The following ENTPD5 variants were observed in gnomAD, a reference collection of about 807,000 sequenced individuals.
ENTPD5 encodes nucleoside diphosphate phosphatase ENTPD5.
A neutral mutation model predicts 60.2 loss-of-function variants in ENTPD5; 49 were observed. That is an observed-to-expected ratio of 0.81 (90% CI 0.65 to 1.03). ENTPD5 has a LOEUF of 1.03. Among genes scored for constraint, ENTPD5 ranks in the 50% least tolerant of loss-of-function variants. The probability of loss-of-function intolerance (pLI) is 0.00; values close to 1 mark genes in which losing one functional copy is unlikely to be tolerated. For synonymous variants in ENTPD5, 187 were observed against 185.4 expected (o/e 1.01, Z -0.07); for missense variants, 480 against 507.6 (o/e 0.95, Z 0.52).
chr14:73,962,980 T>C (rs2056823091), downstream of ENTPD5: 1 of 1,609,882 alleles, frequency 6.2e-7, no homozygotes, highest in African/African-American at 1.3e-5. Flanking sequence ...GAACAGATTA[T>C]GGCCTTTGCA....
At chr14:74,019,144 C>G (rs2059172665) in intron 1 of ENTPD5, 106 bp downstream of exon 1, 1 of 152,820 alleles carries the variant, frequency 6.5e-6, no homozygotes. Flanking sequence ...CACACCCAGG[C>G]CGCAGGACGA....
At chr14:74,004,458 C>T (rs139847475) in intron 3 of ENTPD5, among the ~76,000 whole-genome samples, 257 of 152,268 alleles carry the variant, frequency 1.7e-3, no homozygotes, top group African/African-American at 5.9e-3. Context: ...CCATTGCGCC[C>T]GGCCTATCTC....
intron 6 of ENTPD5, among the ~76,000 whole-genome samples, chr14:73,982,378 AATAG>A (rs2057727498): frequency 6.6e-6 from 1 of 152,116 alleles, no homozygotes; most frequent in African/African-American, 2.4e-5. Flanking sequence ...CCCAGCCTAA[AATAG>A]ATATATTTTA....
chr14:73,968,377 C>T (rs1041906681), intron 15 of ENTPD5, among the ~76,000 whole-genome samples: 3 of 151,670 alleles, frequency 2.0e-5, no homozygotes, highest in Non-Finnish European at 2.9e-5. Context: ...CCAATCTCTG[C>T]TTCAACCAGA....
intron 15 of ENTPD5, among the ~76,000 whole-genome samples, 192 bp downstream of exon 15, chr14:73,969,818 C>G (rs2057143390): frequency 6.6e-6 from 1 of 152,196 alleles, no homozygotes; most frequent in African/African-American, 2.4e-5. Flanking sequence ...CCTGGTAATA[C>G]ACTCGGAGGC....
At position 73,998,431 on chromosome 14, in the gene ENTPD5, T is replaced by TCTGCGTTTGTCCCCTTCATTC. The variant is rs1296096465; in HGVS notation, c.-70-10280_-70-10260dup. Among the ~76,000 whole-genome samples, 11 of 152,154 alleles carry TCTGCGTTTGTCCCCTTCATTC rather than the reference T, an allele frequency of 7.2e-5. 1 individual carries two copies. The highest frequency in any genetic ancestry group is 7.2e-4 in the Admixed American group (11 of 15,270). On this transcript the variant is annotated intron_variant, in intron 3 of 15. Coordinates refer to ENST00000334696, the MANE Select transcript of ENTPD5 (RefSeq NM_001249.5). ...AGATCCTTTTGTCTTTGTCTTCATTTCTGCGTTTGTCCCCTTCATTCAACC... is the reference window on the plus strand; with the variant it reads ...AGATCCTTTTGTCTTTGTCTTCATTTCTGCGTTTGTCCCCTTCATTCCTGCGTTTGTCCCCTTCATTCAACC...
At chr14:74,018,156 G>C (rs2059111323) in intron 1 of ENTPD5, among the ~76,000 whole-genome samples, 1 of 151,504 alleles carries the variant, frequency 6.6e-6, no homozygotes, top group Non-Finnish European at 1.5e-5. Context: ...ACTCCAGCCT[G>C]GGTGACAGAA....
rs763145442 is a variant in ENTPD5, at chr14:73,977,305, C to G, written c.511G>C (p.Asp171His). ...ATATCAACACCTCTCCCACCTTCGT[C>G]GGATCCATCCATGATGCTAACACTG... Reference protein sequence around the residue: ...KGSVSIMDGSDEGILAWVTVN... With the variant: ...KGSVSIMDGSHEGILAWVTVN... The change falls in exon 7 of 16, where the codon GAC (aspartate) becomes CAC (histidine). Residue 171 changes from aspartate (D) to histidine (H), a missense_variant. Coordinates refer to ENST00000334696, the MANE Select transcript of ENTPD5 (RefSeq NM_001249.5). 2.5e-6 allele frequency: 4 copies of G among 1,610,760 alleles called. No homozygotes were observed. The highest frequency in any genetic ancestry group is 1.1e-5 in the South Asian group (1 of 90,950).
At chr14:73,970,151 C>T (rs1297168002) in intron 14 of ENTPD5, 26 bp from the exon 15 acceptor site, 5 of 1,534,500 alleles carry the variant, frequency 3.3e-6, no homozygotes, top group Non-Finnish European at 3.6e-6. Flanking sequence ...AACAGTGGAG[C>T]TCAAGTTTGC....
chr14:73,989,446 C>T (rs1457102009), intron 3 of ENTPD5, among the ~76,000 whole-genome samples: 4 of 149,128 alleles, frequency 2.7e-5, no homozygotes, highest in African/African-American at 9.8e-5. Flanking sequence ...GCCTGTAATC[C>T]CAGTACTTTG....
rs28628660 is a variant in ENTPD5, at chr14:73,987,114, T to C, written c.218-221A>G. On this transcript the variant is annotated intron_variant, in intron 4 of 15. Transcript: ENST00000334696. ...ACCATTTCTCTGGTGGACACCTAAC[T>C]CCTCCACCTTTCCCCAGGCTCCATA... 1,924 of 702,928 alleles carry C rather than the reference T, an allele frequency of 2.7e-3. 25 individuals are homozygous for C. The African/African-American group carries it at 0.03, about 11-fold the overall frequency. The allele number at this position is 702,928 out of a possible 1,614,324, so 43.5% of individuals were successfully genotyped here. A position where few individuals can be genotyped will look rare whatever the true frequency, so the allele number is the denominator to read the frequency against.
chr14:73,973,779 G>C, intron 12 of ENTPD5, 98 bp downstream of exon 12: 1 of 1,006,624 alleles, frequency 9.9e-7, no homozygotes, highest in Non-Finnish European at 1.6e-6. Context: ...CCTGCAACAA[G>C]ATAAGCTTCT....
intron 14 of ENTPD5, among the ~76,000 whole-genome samples, chr14:73,970,897 C>T (rs996442451): frequency 6.6e-6 from 1 of 151,868 alleles, no homozygotes; most frequent in East Asian, 1.9e-4. Context: ...ATGATCACAG[C>T]TCCCTGCAGC....
At chr14:73,990,438 G>C (rs2058084595) in intron 3 of ENTPD5, among the ~76,000 whole-genome samples, 1 of 151,806 alleles carries the variant, frequency 6.6e-6, no homozygotes, top group African/African-American at 2.4e-5. Context: ...GGGCTCAAGT[G>C]ATCCTTCCTC....
downstream of ENTPD5, chr14:73,958,109 C>T: frequency 6.4e-7 from 1 of 1,566,394 alleles, no homozygotes; most frequent in Non-Finnish European, 8.8e-7. Context: ...ATGTGGCCCA[C>T]CTTTCTAATT....
intron 6 of ENTPD5, among the ~76,000 whole-genome samples, chr14:73,978,043 C>T (rs1474912272): frequency 3.9e-5 from 6 of 152,120 alleles, no homozygotes; most frequent in Non-Finnish European, 7.3e-5. Flanking sequence ...ATAGGAAGAA[C>T]GCTAGTCTGT....
At chr14:74,017,282 C>T (rs2059045188) in intron 1 of ENTPD5, among the ~76,000 whole-genome samples, 1 of 149,596 alleles carries the variant, frequency 6.7e-6, no homozygotes, top group Non-Finnish European at 1.5e-5. Context: ...CGTGCTATTG[C>T]ACTCCAGCCT....
chr14:73,963,057 C>CA, downstream of ENTPD5: 1 of 1,263,866 alleles, frequency 7.9e-7, no homozygotes, highest in Non-Finnish European at 1.2e-6. Flanking sequence ...GCCCAGGACC[C>CA]ATCATACATA....
At chr14:73,955,505 T>C, downstream of ENTPD5, 1 of 1,613,966 alleles carries the variant, frequency 6.2e-7, no homozygotes, top group Non-Finnish European at 8.5e-7. Flanking sequence ...TTTCGGCGAA[T>C]GCAGGTGCCC....
Sources: allele counts gnomAD v4.1 joint callset (sites outside exome capture counted in the v4.1 genomes callset), GRCh38; gene constraint gnomAD v4.1.1; transcripts MANE v1.5; gene names NCBI Gene and HGNC (gene_info 2026-07-23, HGNC 2026-07-21).